The following EYA4 variants were observed in gnomAD, a reference collection of about 807,000 sequenced individuals.
EYA4 encodes the protein EYA transcriptional coactivator and phosphatase 4.
A neutral mutation model predicts 87.9 loss-of-function variants in EYA4; 31 were observed. The ratio of observed to expected loss-of-function variants is 0.35; its 90% confidence interval spans 0.27 to 0.48. The LOEUF is 0.48. EYA4 is among the 20% of genes least tolerant of loss of function. The pLI, the probability that EYA4 is intolerant of heterozygous loss-of-function variation, is 0.99. For missense variants in EYA4, 678 were observed against 761.4 expected (o/e 0.89, Z 1.29); for synonymous variants, 263 against 270.6 (o/e 0.97, Z 0.28).
At chr6:133,459,888 T>G (rs1406814715) in intron 6 of EYA4, among the ~76,000 whole-genome samples, 2 of 152,056 alleles carry the variant, frequency 1.3e-5, no homozygotes, top group East Asian at 3.9e-4. Context: ...CTGATAATAT[T>G]CTTAAAAATA....
chr6:133,303,906 C>T (rs1779608025), intron 2 of EYA4, among the ~76,000 whole-genome samples: 1 of 152,034 alleles, frequency 6.6e-6, no homozygotes, highest in Non-Finnish European at 1.5e-5. Context: ...AGATTATTAG[C>T]TCCTGGCTGG....
intron 2 of EYA4, among the ~76,000 whole-genome samples, chr6:133,377,134 A>G (rs535898804): frequency 2.0e-5 from 3 of 152,160 alleles, no homozygotes; most frequent in South Asian, 4.1e-4. Flanking sequence ...TTGTTGGTCT[A>G]GGTGAGTGCT....
chr6:133,362,393 A>G (rs552275017), intron 2 of EYA4, among the ~76,000 whole-genome samples: 2 of 152,290 alleles, frequency 1.3e-5, no homozygotes, highest in Admixed American at 6.5e-5. Context: ...AAGATTACCT[A>G]TTGGAAAATG....
Position 133,468,634 on chromosome 6 carries a change from A to T in EYA4, c.873A>T (p.Gly291=), listed in dbSNP as rs761206775. 38 of 1,612,540 alleles carry T rather than the reference A, an allele frequency of 2.4e-5. No individual in the cohort carries two copies. In the East Asian group the frequency reaches 8.2e-4, roughly 35 times the overall value. ...AGTATTATTCAGCATCAACGTATGGAGCGTATATGACATCGAATAACACAG... is the reference window on the plus strand; with the variant it reads ...AGTATTATTCAGCATCAACGTATGGTGCGTATATGACATCGAATAACACAG... ...YAQYYSASTY[G]AYMTSNNTAD... is the part of the protein sequence containing the mutation. Residue 291 remains glycine (G), a synonymous_variant, in exon 11 of 20, where the codon GGA becomes GGT. Transcript: ENST00000355286.
chr6:133,323,297 G>A (rs1432138485), intron 2 of EYA4, among the ~76,000 whole-genome samples: 1 of 152,086 alleles, frequency 6.6e-6, no homozygotes, highest in Non-Finnish European at 1.5e-5. Flanking sequence ...ATAAGAGCAA[G>A]TAATTAAGAC....
intron 3 of EYA4, among the ~76,000 whole-genome samples, chr6:133,394,303 T>TTTTTG (rs1787597043): frequency 6.9e-6 from 1 of 144,294 alleles, no homozygotes; most frequent in African/African-American, 2.7e-5. Context: ...TTTTTTTTTT[T>TTTTTG]TTTTTTTTTT....
chr6:133,264,588 A>G (rs1408494373), intron 1 of EYA4, among the ~76,000 whole-genome samples: 1 of 152,194 alleles, frequency 6.6e-6, no homozygotes, highest in African/African-American at 2.4e-5. Context: ...ACTTGGTAAT[A>G]TATTGAATGT....
intron 9 of EYA4, 29 bp downstream of exon 9, chr6:133,462,793 G>T (rs1289391900): frequency 6.2e-7 from 1 of 1,608,220 alleles, no homozygotes; most frequent in South Asian, 1.1e-5. Flanking sequence ...AACATGTTTT[G>T]GGAGAACTAA....
chr6:133,463,354 CTT>C (rs571663764), intron 9 of EYA4, among the ~76,000 whole-genome samples: 3,415 of 115,096 alleles, frequency 0.03, 32 homozygotes, highest in Non-Finnish European at 0.048. Context: ...TGTGTTTTAT[CTT>C]TTTTTTTTTT....
chr6:133,330,795 ATT>A (rs1781879341), intron 2 of EYA4, among the ~76,000 whole-genome samples: 1 of 151,778 alleles, frequency 6.6e-6, no homozygotes, highest in Non-Finnish European at 1.5e-5. Flanking sequence ...TGGTTTTAAT[ATT>A]TTCTTATGTT....
chr6:133,246,624 G>C (rs1387139728), intron 1 of EYA4, among the ~76,000 whole-genome samples: 1 of 151,978 alleles, frequency 6.6e-6, no homozygotes, highest in Non-Finnish European at 1.5e-5. Flanking sequence ...ATTTTCTTGA[G>C]TATATTTATA....
At chr6:133,360,534 C>T (rs375837179) in intron 2 of EYA4, 1 of 152,174 alleles carries the variant, frequency 6.6e-6, no homozygotes, top group Non-Finnish European at 1.5e-5. Flanking sequence ...CATAATCAAA[C>T]AAGTGTTATT....
chr6:133,281,378 T>C (rs9483566), intron 2 of EYA4, among the ~76,000 whole-genome samples: 39,929 of 152,068 alleles, frequency 0.26, 5,793 homozygotes, highest in East Asian at 0.48. Context: ...CTTTGCCTAA[T>C]CCAGGGTCAC....
At chr6:133,294,059 A>ATATATATATATATATG (rs1778740483) in intron 2 of EYA4, among the ~76,000 whole-genome samples, 1 of 105,110 alleles carries the variant, frequency 9.5e-6, no homozygotes, top group South Asian at 3.1e-4. Flanking sequence ...ATATATATAT[A>ATATATATATATATATG]TATAATTCTA....
chr6:133,249,051 G>A (rs1366161360), intron 1 of EYA4, among the ~76,000 whole-genome samples: 5 of 152,144 alleles, frequency 3.3e-5, no homozygotes, highest in Admixed American at 1.3e-4. Flanking sequence ...TGGGTACTTG[G>A]TAAATGCTTG....
intron 3 of EYA4, chr6:133,439,607 C>G (rs1258942693): frequency 6.6e-6 from 1 of 152,160 alleles, no homozygotes. Flanking sequence ...ACTTATTTGT[C>G]CCTACAACAA....
chr6:133,277,462 T>G (rs1777271022), intron 2 of EYA4, among the ~76,000 whole-genome samples: 1 of 152,222 alleles, frequency 6.6e-6, no homozygotes, highest in African/African-American at 2.4e-5. Context: ...TTTGGGAAAT[T>G]ACTTAAACTC....
intron 1 of EYA4, among the ~76,000 whole-genome samples, chr6:133,265,814 G>C (rs1417674056): frequency 6.6e-6 from 1 of 152,178 alleles, no homozygotes; most frequent in East Asian, 1.9e-4. Context: ...ATTCTGAACT[G>C]GCAGTTGACA....
chr6:133,512,361 G>A (rs1799228484), intron 14 of EYA4, among the ~76,000 whole-genome samples: 1 of 152,140 alleles, frequency 6.6e-6, no homozygotes. Flanking sequence ...CTTCAGATTA[G>A]CCATGCTTAA....
Sources: gnomAD v4.1 joint callset for allele counts (sites outside exome capture counted in the v4.1 genomes callset) on GRCh38, gnomAD v4.1.1 for gene constraint, MANE v1.5 for transcripts, NCBI Gene and HGNC (gene_info 2026-07-23, HGNC 2026-07-21) for gene names.